Variants in BABAM2 observed in about 807,000 individuals in gnomAD.
The protein encoded by BABAM2 is BRISC and BRCA1 A complex member 2.
In BABAM2, 31 loss-of-function variants were observed where a neutral mutation model predicts 54.7. That is an observed-to-expected ratio of 0.57 (90% CI 0.43 to 0.77). The LOEUF is 0.77. Ranked by LOEUF, BABAM2 falls within the 30% of genes least tolerant of loss-of-function variation. The pLI is 0.00. For synonymous variants in BABAM2, 167 were observed against 162.9 expected, an observed-to-expected ratio of 1.03 and a Z score of -0.19; for missense variants, 364 against 455.8, an observed-to-expected ratio of 0.80 and a Z score of 1.83.
chr2:28,303,813 A>T (rs1688297297), intron 11 of BABAM2, among the ~76,000 whole-genome samples: 1 of 152,084 alleles, frequency 6.6e-6, no homozygotes, highest in Non-Finnish European at 1.5e-5. Context: ...GGTTTTATTT[A>T]GGTCTTTAGT....
intron 7 of BABAM2, among the ~76,000 whole-genome samples, chr2:28,174,990 C>T (rs2147861910): frequency 6.6e-6 from 1 of 152,278 alleles, no homozygotes; most frequent in Non-Finnish European, 1.5e-5. Flanking sequence ...TGCCTCAGGA[C>T]AAAGGAAGCC....
chr2:28,021,222 A>G (rs1376815133), intron 4 of BABAM2, among the ~76,000 whole-genome samples: 1 of 152,204 alleles, frequency 6.6e-6, no homozygotes, highest in Non-Finnish European at 1.5e-5. Flanking sequence ...AAGCACTATC[A>G]GGATAATAAG....
intron 6 of BABAM2, among the ~76,000 whole-genome samples, chr2:28,080,081 T>C (rs2148671601): frequency 1.3e-5 from 2 of 152,278 alleles, no homozygotes; most frequent in Non-Finnish European, 2.9e-5. Flanking sequence ...AGCCACTCCT[T>C]CTATACAAAG....
chr2:27,910,792 T>G (rs1666525016), intron 2 of BABAM2, among the ~76,000 whole-genome samples: 1 of 152,192 alleles, frequency 6.6e-6, no homozygotes, highest in Admixed American at 6.5e-5. Context: ...AGAGTTCCAT[T>G]GTGTAACATG....
chr2:27,919,909 G>A (rs1454828112), intron 2 of BABAM2, among the ~76,000 whole-genome samples: 1 of 152,102 alleles, frequency 6.6e-6, no homozygotes, highest in African/African-American at 2.4e-5. Context: ...AACAGTTGAC[G>A]CCACATGAAC....
intron 11 of BABAM2, among the ~76,000 whole-genome samples, chr2:28,327,701 C>T (rs576955242): frequency 2.7e-4 from 41 of 152,284 alleles, no homozygotes; most frequent in Admixed American, 1.3e-4. Context: ...GTTGGAGGCC[C>T]GGCATGCTGT....
Position 27,923,978 on chromosome 2 carries a change from T to TA in BABAM2, c.129-5845dup, listed in dbSNP as rs201147484. ...CAGCAAGACCGTGTTTCAAAAAATT[T>TA]AAAAAAAAATGCAGAAAAGTAATTA... On this transcript the variant is annotated intron_variant, in intron 2 of 11. Transcript: ENST00000379624. 9.3e-3 allele frequency among the ~76,000 whole-genome samples: 1,405 copies of TA among 151,324 alleles called. 11 individuals carry two copies. The highest frequency in any genetic ancestry group is 0.016 in the Non-Finnish European group (1,081 of 67,748).
chr2:28,153,869 G>A (rs534032164), intron 7 of BABAM2, among the ~76,000 whole-genome samples: 96 of 152,318 alleles, frequency 6.3e-4, no homozygotes, highest in African/African-American at 2.2e-3. Flanking sequence ...GGACATGCAC[G>A]ATTGAGTTTT....
intron 7 of BABAM2, among the ~76,000 whole-genome samples, chr2:28,168,519 T>G (rs1009397664): frequency 2.6e-5 from 4 of 152,206 alleles, no homozygotes; most frequent in Non-Finnish European, 5.9e-5. Flanking sequence ...TCCTTTCATT[T>G]ATGCCAAATT....
intron 4 of BABAM2, among the ~76,000 whole-genome samples, chr2:28,014,941 C>G (rs1573393860): frequency 6.6e-6 from 1 of 152,184 alleles, no homozygotes; most frequent in African/African-American, 2.4e-5. Context: ...TAATTCCTTT[C>G]CCAAGCCAAA....
intron 9 of BABAM2, among the ~76,000 whole-genome samples, chr2:28,241,881 T>C (rs1682474778): frequency 6.6e-6 from 1 of 151,468 alleles, no homozygotes; most frequent in African/African-American, 2.4e-5. Context: ...TTTTTTTTTT[T>C]TTCGGTACTC....
intron 3 of BABAM2, among the ~76,000 whole-genome samples, chr2:27,947,352 T>C (rs1669373251): frequency 6.6e-6 from 1 of 152,162 alleles, no homozygotes; most frequent in Admixed American, 6.5e-5. Flanking sequence ...TCAGAATACA[T>C]ATCTTTAACT....
chr2:28,082,409 A>C (rs1665257498), intron 6 of BABAM2, among the ~76,000 whole-genome samples: 1 of 152,226 alleles, frequency 6.6e-6, no homozygotes, highest in Non-Finnish European at 1.5e-5. Flanking sequence ...TTGGTGCTTA[A>C]GAACAGCAAG....
In BABAM2 at chr2:28,299,806, G is replaced by A. The variant is rs1687969531; in HGVS notation, c.1088+1315G>A. ...TTAGCCATGACTAATCAAGAACTTA[G>A]TAGGACTTCCTGTTCTTGCCTCCCC... is the stretch of plus-strand genomic sequence containing the variant. On this transcript the variant is annotated intron_variant, in intron 11 of 11. Coordinates refer to ENST00000379624, the MANE Select transcript of BABAM2 (RefSeq NM_199191.3). Among the ~76,000 whole-genome samples the A allele has an allele frequency of 2.0e-5, 3 of 152,162 alleles. No homozygotes were observed. The South Asian group carries it at 6.2e-4, about 32-fold the overall frequency.
intron 7 of BABAM2, among the ~76,000 whole-genome samples, chr2:28,164,995 G>T (rs1673492883): frequency 6.6e-6 from 1 of 152,046 alleles, no homozygotes; most frequent in South Asian, 2.1e-4. Context: ...TTATTGGTTT[G>T]TTCATGTTTT....
At chr2:28,024,441 A>G (rs910642072) in intron 4 of BABAM2, among the ~76,000 whole-genome samples, 12 of 152,296 alleles carry the variant, frequency 7.9e-5, no homozygotes, top group African/African-American at 2.6e-4. Flanking sequence ...AGTAACAAAA[A>G]CTATGAATTT....
chr2:28,024,854 G>A (rs538987301), intron 4 of BABAM2, among the ~76,000 whole-genome samples: 1 of 152,246 alleles, frequency 6.6e-6, no homozygotes, highest in South Asian at 2.1e-4. Context: ...CTGAATTTAG[G>A]TAGAGATCAA....
At chr2:27,941,730 A>G (rs1238219749) in intron 3 of BABAM2, among the ~76,000 whole-genome samples, 2 of 152,168 alleles carry the variant, frequency 1.3e-5, no homozygotes, top group Admixed American at 1.3e-4. Flanking sequence ...TGATACGAAT[A>G]ATATATTATC....
At chr2:27,950,138 A>T (rs574964047) in intron 3 of BABAM2, among the ~76,000 whole-genome samples, 1 of 152,186 alleles carries the variant, frequency 6.6e-6, no homozygotes, top group Non-Finnish European at 1.5e-5. Flanking sequence ...CTTAACTTGA[A>T]GCTACTTTTA....
Sources: allele counts gnomAD v4.1 joint callset (sites outside exome capture counted in the v4.1 genomes callset), GRCh38; gene constraint gnomAD v4.1.1; transcripts MANE v1.5; gene names NCBI Gene and HGNC (gene_info 2026-07-23, HGNC 2026-07-21).